The following CCDC73 variants were observed in gnomAD, a reference collection of about 807,000 sequenced individuals.
CCDC73 encodes coiled-coil domain containing 73.
Under a neutral mutation model 116.5 loss-of-function variants are expected in CCDC73, and 95 were observed. The observed-to-expected ratio is 0.82, with a 90% confidence interval of 0.69 to 0.97. The LOEUF is 0.97. CCDC73 is among the 50% of genes least tolerant of loss of function. The pLI is 0.00. For missense variants in CCDC73, 1,066 were observed against 1,206.8 expected, an observed-to-expected ratio of 0.88 and a Z score of 1.73; for synonymous variants, 398 against 401.3, an observed-to-expected ratio of 0.99 and a Z score of 0.10.
At chr11:32,670,478 C>T (rs1200352824) in intron 9 of CCDC73, among the ~76,000 whole-genome samples, 2 of 150,564 alleles carry the variant, frequency 1.3e-5, no homozygotes, top group Non-Finnish European at 2.9e-5. Context: ...GCCAAGATTG[C>T]ACCACTGCAC....
At chr11:32,799,969 G>A in the CCDC73 span, among the ~76,000 whole-genome samples, 3 of 152,134 alleles carry the variant, frequency 2.0e-5, no homozygotes, top group South Asian at 2.1e-4. Context: ...TAACCTCAGC[G>A]CAGTGCTTGG....
chr11:32,713,267 C>T (rs1471271858), intron 3 of CCDC73, among the ~76,000 whole-genome samples: 2 of 152,098 alleles, frequency 1.3e-5, no homozygotes, highest in East Asian at 3.8e-4. Context: ...GCCCAGATGA[C>T]AGAACTTATT....
chr11:32,616,111 T>C lies in CCDC73; in HGVS notation c.1204A>G (p.Asn402Asp), dbSNP rs1855472667. The stretch of plus-strand genomic sequence containing the variant: ...TCAGTTGACATTTCACTGTTTTCAT[T>C]ATTTACTTCTGGAACATTCTAGTGT... ...KKFQNVPEVN[N>D]ENSEMSTEKS... The change falls in exon 15 of 18, where the codon AAT becomes GAT. Residue 402 changes from asparagine to aspartate, a missense_variant. Asn to Asp is a conservative substitution (Grantham distance 23). Transcript: ENST00000335185. 2 of 1,578,770 alleles carry C rather than the reference T, an allele frequency of 1.3e-6. No individual in the cohort carries two copies. Among genetic ancestry groups the C allele is most frequent in the Middle Eastern group, 1.7e-4 (1 of 5,790 alleles).
At chr11:32,674,035 A>G (rs139682399) in intron 9 of CCDC73, among the ~76,000 whole-genome samples, 2 of 152,320 alleles carry the variant, frequency 1.3e-5, no homozygotes, top group African/African-American at 4.8e-5. Flanking sequence ...TCTTCCTCCC[A>G]TCTCCTGCCT....
intron 17 of CCDC73, among the ~76,000 whole-genome samples, chr11:32,606,806 C>CTTT (rs10591021): frequency 6.7e-4 from 68 of 101,040 alleles, no homozygotes; most frequent in East Asian, 2.5e-3. Context: ...AAAATAAATT[C>CTTT]TTTTTTTTTT....
intron 1 of CCDC73, among the ~76,000 whole-genome samples, chr11:32,780,232 C>T (rs1008547964): frequency 2.6e-5 from 4 of 151,826 alleles, no homozygotes; most frequent in Admixed American, 6.6e-5. Flanking sequence ...CAAGATTGCA[C>T]GACTGCACTC....
chr11:32,704,904 AC>A (rs979241556), intron 3 of CCDC73, among the ~76,000 whole-genome samples: 1 of 152,216 alleles, frequency 6.6e-6, no homozygotes, highest in Non-Finnish European at 1.5e-5. Context: ...CTGTTTGGTC[AC>A]CCAGTGAAGC....
intron 6 of CCDC73, among the ~76,000 whole-genome samples, chr11:32,690,860 G>A (rs1856251069): frequency 6.6e-6 from 1 of 152,100 alleles, no homozygotes; most frequent in South Asian, 2.1e-4. Flanking sequence ...AACCTACACT[G>A]ACATCGTTAT....
intron 9 of CCDC73, among the ~76,000 whole-genome samples, chr11:32,668,113 T>C (rs999655821): frequency 6.6e-6 from 1 of 152,238 alleles, no homozygotes; most frequent in Non-Finnish European, 1.5e-5. Context: ...ATCTACCACG[T>C]GCAAGGCACT....
upstream of CCDC73, among the ~76,000 whole-genome samples, chr11:32,797,687 AT>A (rs1349289406): frequency 1.3e-5 from 2 of 152,122 alleles, no homozygotes; most frequent in Non-Finnish European, 2.9e-5. Context: ...ACTTTGTCAT[AT>A]TTACTTTTAA....
At chr11:32,751,077 G>A (rs1038279068) in intron 2 of CCDC73, among the ~76,000 whole-genome samples, 1 of 152,170 alleles carries the variant, frequency 6.6e-6, no homozygotes, top group Non-Finnish European at 1.5e-5. Flanking sequence ...CAGGTTTCCT[G>A]TCTAATCCAG....
At chr11:32,723,289 T>C (rs549546874) in intron 2 of CCDC73, among the ~76,000 whole-genome samples, 1 of 152,206 alleles carries the variant, frequency 6.6e-6, no homozygotes, top group Non-Finnish European at 1.5e-5. Context: ...GAAATCTTTG[T>C]AATAGATTAA....
intron 3 of CCDC73, among the ~76,000 whole-genome samples, chr11:32,710,753 T>C (rs1005691333): frequency 8.5e-5 from 13 of 152,214 alleles, no homozygotes; most frequent in Non-Finnish European, 2.9e-5. Context: ...ACCTTCTGTC[T>C]GGATGATCTG....
At chr11:32,792,399 C>T (rs1362808322) in intron 1 of CCDC73, among the ~76,000 whole-genome samples, 2 of 152,082 alleles carry the variant, frequency 1.3e-5, no homozygotes, top group African/African-American at 2.4e-5. Context: ...TGACTAATGT[C>T]GGCTGTAATC....
intron 13 of CCDC73, among the ~76,000 whole-genome samples, chr11:32,638,397 A>G (rs1855700942): frequency 6.6e-6 from 1 of 152,216 alleles, no homozygotes; most frequent in Non-Finnish European, 1.5e-5. Context: ...CACATTTCAC[A>G]CATCCCATTT....
intron 17 of CCDC73, among the ~76,000 whole-genome samples, chr11:32,608,159 A>C (rs2133214621): frequency 6.6e-6 from 1 of 152,156 alleles, no homozygotes; most frequent in Non-Finnish European, 1.5e-5. Context: ...GCCCCTCCCA[A>C]ATCTCATATC....
Position 32,700,756 on chromosome 11 carries a change from T to C in CCDC73, c.315+35A>G, listed in dbSNP as rs993195949. On this transcript the variant is annotated intron_variant, in intron 5 of 17. Coordinates refer to ENST00000335185, the MANE Select transcript of CCDC73 (RefSeq NM_001008391.4). ...TTATTTTGTAAAAGTAAATACTTTT[T>C]AATAGACAGAAAATTTTAAAAAAAT... 4.7e-6 allele frequency: 5 copies of C among 1,065,654 alleles called. No homozygotes were observed. In the African/African-American group the frequency reaches 8.1e-5, roughly 17 times the overall value. 66.0% of individuals were successfully genotyped at this position (1,065,654 alleles called of 1,614,324 possible). A position where few individuals can be genotyped will look rare whatever the true frequency, so the allele number is the denominator to read the frequency against.
At chr11:32,750,635 AG>A (rs1262351761) in intron 2 of CCDC73, among the ~76,000 whole-genome samples, 1 of 152,164 alleles carries the variant, frequency 6.6e-6, no homozygotes. Flanking sequence ...CACAGCCAAC[AG>A]GGAGTATTGA....
chr11:32,766,397 T>C (rs921511579), intron 1 of CCDC73, among the ~76,000 whole-genome samples: 68 of 152,218 alleles, frequency 4.5e-4, no homozygotes, highest in Non-Finnish European at 7.8e-4. Context: ...AAAACTGGCA[T>C]AAGACAAGGA....
Sources: allele counts gnomAD v4.1 joint callset (sites outside exome capture counted in the v4.1 genomes callset), GRCh38; gene constraint gnomAD v4.1.1; transcripts MANE v1.5; gene names NCBI Gene and HGNC (gene_info 2026-07-23, HGNC 2026-07-21).